CPVL: variants seen among roughly 807,000 people sequenced by gnomAD.
The protein encoded by CPVL is probable serine carboxypeptidase CPVL.
In CPVL, 51 loss-of-function variants were observed where a neutral mutation model predicts 63.7. The observed-to-expected ratio is 0.80, with a 90% CI of 0.64 to 1.01. The LOEUF (loss-of-function observed/expected upper bound fraction) is 1.01, where lower values mean the gene tolerates loss of function less well. Among genes scored for constraint, CPVL ranks in the 50% least tolerant of loss-of-function variants. The pLI, the probability that CPVL is intolerant of heterozygous loss-of-function variation, is 0.00. For synonymous variants in CPVL, 195 were observed against 206.0 expected (o/e 0.95, Z 0.46); for missense variants, 530 against 573.1 (o/e 0.92, Z 0.77).
intron 11 of CPVL, 132 bp downstream of exon 11, chr7:29,063,929 G>A: frequency 4.8e-6 from 3 of 622,498 alleles, no homozygotes; most frequent in South Asian, 2.0e-5. Context: ...AACAAAGAAA[G>A]GGGCTGTTAT....
At chr7:29,092,901 C>A (rs1156782158) in intron 5 of CPVL, among the ~76,000 whole-genome samples, 199 bp from the exon 6 acceptor site, 2 of 152,122 alleles carry the variant, frequency 1.3e-5, no homozygotes, top group African/African-American at 2.4e-5. Context: ...CCCCCTAAAG[C>A]CCAAATAAAA....
intron 1 of CPVL, chr7:29,124,848 C>T (rs1789828805): frequency 6.6e-6 from 1 of 151,728 alleles, no homozygotes. Context: ...AATTTTGTTG[C>T]TTTTTTAAAA....
At chr7:29,090,955 G>A (rs1785710885) in intron 6 of CPVL, among the ~76,000 whole-genome samples, 1 of 152,286 alleles carries the variant, frequency 6.6e-6, no homozygotes, top group East Asian at 1.9e-4. Context: ...CCCATTTGCA[G>A]GTTTTGAAGC....
At chr7:29,124,774 CTTAT>C (rs1789817179) in intron 1 of CPVL, among the ~76,000 whole-genome samples, 1 of 151,470 alleles carries the variant, frequency 6.6e-6, no homozygotes, top group Non-Finnish European at 1.5e-5. Flanking sequence ...GGTTTTTTTC[CTTAT>C]TTAATACTTC....
chr7:29,140,195 T>C (rs1264760937), intron 1 of CPVL, among the ~76,000 whole-genome samples: 1 of 152,154 alleles, frequency 6.6e-6, no homozygotes, highest in East Asian at 1.9e-4. Flanking sequence ...ATCCCGGCAC[T>C]TTAGGAGGCC....
chr7:29,017,020 C>T (rs1184153245), intron 12 of CPVL, among the ~76,000 whole-genome samples: 1 of 152,206 alleles, frequency 6.6e-6, no homozygotes. Context: ...TTAAAATGTG[C>T]TTTCAAACCT....
chr7:29,132,595 G>A (rs574998588), intron 1 of CPVL, among the ~76,000 whole-genome samples: 1 of 152,290 alleles, frequency 6.6e-6, no homozygotes, highest in South Asian at 2.1e-4. Context: ...AGTCTGCTCA[G>A]TCAGGCATCA....
intron 5 of CPVL, among the ~76,000 whole-genome samples, chr7:29,175,523 TAC>T (rs1797192217): frequency 6.6e-6 from 1 of 152,104 alleles, no homozygotes; most frequent in Non-Finnish European, 1.5e-5. Context: ...TTGGCTCTCA[TAC>T]TCTCTTGCCT....
chr7:29,124,311 T>C (rs554751121), intron 1 of CPVL, among the ~76,000 whole-genome samples: 19 of 152,288 alleles, frequency 1.2e-4, no homozygotes, highest in African/African-American at 3.8e-4. Context: ...TCATACCTAC[T>C]TGAAATAATA....
intron 3 of CPVL, among the ~76,000 whole-genome samples, chr7:29,111,807 T>C (rs1788262881): frequency 6.6e-6 from 1 of 152,256 alleles, no homozygotes; most frequent in African/African-American, 2.4e-5. Context: ...TTACTACAGA[T>C]GCAACCCAGC....
At chr7:29,104,330 G>A (rs1267889304) in intron 3 of CPVL, among the ~76,000 whole-genome samples, 1 of 152,080 alleles carries the variant, frequency 6.6e-6, no homozygotes, top group Non-Finnish European at 1.5e-5. Context: ...GGCACGACTT[G>A]GCTCACTGCA....
chr7:29,041,666 G>GA (rs996498583), intron 11 of CPVL, among the ~76,000 whole-genome samples: 13 of 151,890 alleles, frequency 8.6e-5, no homozygotes, highest in Non-Finnish European at 1.6e-4. Flanking sequence ...CAAGAGCAAA[G>GA]AAAAAAATGC....
At chr7:29,152,614 C>G (rs554740579) in intron 5 of CPVL, among the ~76,000 whole-genome samples, 2 of 152,288 alleles carry the variant, frequency 1.3e-5, no homozygotes, top group South Asian at 4.1e-4. Context: ...TTCCCATCCA[C>G]CCCACCCAGA....
intron 3 of CPVL, among the ~76,000 whole-genome samples, chr7:29,098,248 C>T (rs948200149): frequency 5.3e-5 from 8 of 152,156 alleles, no homozygotes; most frequent in African/African-American, 1.7e-4. Flanking sequence ...GGGATGCCAC[C>T]GCCAAGACCT....
At chr7:29,183,923 A>T (rs1387282699) in intron 4 of CPVL, among the ~76,000 whole-genome samples, 1 of 152,208 alleles carries the variant, frequency 6.6e-6, no homozygotes, top group Non-Finnish European at 1.5e-5. Flanking sequence ...ATAAAAAACA[A>T]TGGGGCATAA....
At chr7:29,037,947 C>A (rs1400942349) in intron 11 of CPVL, among the ~76,000 whole-genome samples, 1 of 152,130 alleles carries the variant, frequency 6.6e-6, no homozygotes, top group Admixed American at 6.5e-5. Context: ...GTCAGGAGGG[C>A]AAATAGGATA....
upstream of CPVL, chr7:29,146,823 A>G: frequency 6.4e-7 from 1 of 1,550,586 alleles, no homozygotes; most frequent in African/African-American, 1.4e-5. Flanking sequence ...TCAACCCTGT[A>G]TTTTGAAATT....
rs892558568 is a variant in CPVL at position 29,121,314 on chromosome 7, T to G, written c.-10-243A>C. Reference sequence around the variant, plus strand: ...GTAATTTTTCAATTACTGATTTTTTTTTTTTAAACAGAGTCTTGCTCTGTT... The same window carrying G: ...GTAATTTTTCAATTACTGATTTTTTGTTTTTAAACAGAGTCTTGCTCTGTT... On this transcript the variant is annotated intron_variant, in intron 1 of 12. Transcript: ENST00000265394. Among the ~76,000 whole-genome samples, 7 of 152,258 alleles carry G rather than the reference T, an allele frequency of 4.6e-5. No homozygotes were observed. The South Asian group carries it at 1.5e-3, about 32-fold the overall frequency.
intron 1 of CPVL, among the ~76,000 whole-genome samples, chr7:29,128,336 T>A (rs2128653304): frequency 6.6e-6 from 1 of 152,324 alleles, no homozygotes; most frequent in East Asian, 1.9e-4. Flanking sequence ...CCATTAGTTA[T>A]TGATCCTTTC....
Sources: allele counts gnomAD v4.1 joint callset (sites outside exome capture counted in the v4.1 genomes callset), GRCh38; gene constraint gnomAD v4.1.1; transcripts MANE v1.5; gene names NCBI Gene and HGNC (gene_info 2026-07-23, HGNC 2026-07-21).